WDFY3: variants seen among roughly 807,000 people sequenced by gnomAD.
WDFY3 encodes WD repeat and FYVE domain containing 3, also known as WD repeat and FYVE domain-containing protein 3.
WDFY3 carries 66 observed loss-of-function variants against 409.6 expected under a neutral mutation model. The observed-to-expected ratio is 0.16, with a 90% confidence interval of 0.13 to 0.20. The LOEUF is 0.20. Among genes scored for constraint, WDFY3 ranks in the 10% least tolerant of loss-of-function variants. The pLI is 1.00. For missense variants in WDFY3, 3,031 were observed against 4,298.1 expected (o/e 0.71, Z 8.24); for synonymous variants, 1,521 against 1,537.1 (o/e 0.99, Z 0.25).
chr4:84,713,936 G>C (rs1350426527), intron 50 of WDFY3, among the ~76,000 whole-genome samples: 1 of 152,042 alleles, frequency 6.6e-6, no homozygotes, highest in African/African-American at 2.4e-5. Flanking sequence ...GGCCAACATG[G>C]TGAAACTCCA....
chr4:84,780,700 G>T (rs1205478336), intron 25 of WDFY3, among the ~76,000 whole-genome samples: 2 of 152,078 alleles, frequency 1.3e-5, no homozygotes, highest in Non-Finnish European at 2.9e-5. Context: ...GGAGTTGGAG[G>T]TTGCAGTGAG....
rs190085124 is a variant in WDFY3 at position 84,904,722 on chromosome 4, A to G, written c.-131-7712T>C. On this transcript the variant is annotated intron_variant, in intron 2 of 67. Transcript: ENST00000295888. ...AGTTTCTAGGGCTGTTCTCTCCCTA[A>G]AAAAGCTCTTATTCACTCTACAACT... 8.7e-4 allele frequency among the ~76,000 whole-genome samples: 133 copies of G among 152,262 alleles called. 2 individuals carry two copies. The highest frequency in any genetic ancestry group is 3.0e-3 in the African/African-American group (124 of 41,540).
intron 8 of WDFY3, 140 bp downstream of exon 8, chr4:84,831,273 T>A (rs1346794184): frequency 6.3e-6 from 4 of 635,910 alleles, no homozygotes; most frequent in Middle Eastern, 5.0e-4. Context: ...TGAAAAAAAA[T>A]ATTTTCTTTT....
In WDFY3 at chr4:84,671,806, T is replaced by C. The variant is rs1725475425; in HGVS notation, c.*1062A>G. The C allele has an allele frequency of 6.6e-6, 1 of 152,628 alleles. No individual in the cohort carries two copies. The highest frequency in any genetic ancestry group is 6.5e-5 in the Admixed American group (1 of 15,286). The allele number at this position is 152,628 out of a possible 1,614,324, so 9.5% of individuals were successfully genotyped here. ...TACAACAAAGTTTATATGTTAATTCTGTACACTTCTTTCTTTCCTTTTTTT... is the reference window on the plus strand; with the variant it reads ...TACAACAAAGTTTATATGTTAATTCCGTACACTTCTTTCTTTCCTTTTTTT... On this transcript the variant is annotated 3_prime_UTR_variant, in exon 68 of 68. Transcript: ENST00000295888.
chr4:84,951,107 A>T (rs1332897505), intron 1 of WDFY3, among the ~76,000 whole-genome samples: 1 of 152,140 alleles, frequency 6.6e-6, no homozygotes, highest in Non-Finnish European at 1.5e-5. Context: ...CCTCTATTCT[A>T]ATTTTATATT....
At chr4:84,769,539 C>T (rs1287185222) in intron 30 of WDFY3, among the ~76,000 whole-genome samples, 4 of 151,842 alleles carry the variant, frequency 2.6e-5, no homozygotes, top group South Asian at 2.1e-4. Context: ...CTCAGCCTCC[C>T]GAGTAGCTGG....
In WDFY3 at chr4:84,685,291, G is replaced by C. The variant is rs548710956; in HGVS notation, c.9544-1166C>G. Among the ~76,000 whole-genome samples, 3 of 152,268 alleles carry C rather than the reference G, an allele frequency of 2.0e-5. No homozygotes were observed. The South Asian group carries it at 6.2e-4, about 32-fold the overall frequency. ...GGAGGCTGGGGTAGGGTGAGGAGGA[G>C]GACTGGGCCTGTTCCATCCACAGTC... On this transcript the variant is annotated intron_variant, in intron 62 of 67. Coordinates refer to ENST00000295888, the MANE Select transcript of WDFY3 (RefSeq NM_014991.6).
Position 84,845,525 on chromosome 4 carries a change from C to G in WDFY3, c.305-4262G>C, listed in dbSNP as rs191329236. ...TGTACAGCATGGTATGTATAGTTAA[C>G]AGTCTGTACTGCACACTTAAAAATT... On this transcript the variant is annotated intron_variant, in intron 5 of 67. Coordinates refer to ENST00000295888, the MANE Select transcript of WDFY3 (RefSeq NM_014991.6). 1.2e-3 allele frequency among the ~76,000 whole-genome samples: 187 copies of G among 152,166 alleles called. 2 individuals carry two copies. The highest frequency in any genetic ancestry group is 7.1e-3 in the Admixed American group (108 of 15,274).
At chr4:84,791,311 T>C (rs1260802280) in intron 21 of WDFY3, among the ~76,000 whole-genome samples, 1 of 152,164 alleles carries the variant, frequency 6.6e-6, no homozygotes, top group Non-Finnish European at 1.5e-5. Context: ...GAAAGACATA[T>C]ACTGCGTGAC....
At chr4:84,894,160 A>G (rs1223201354) in intron 3 of WDFY3, among the ~76,000 whole-genome samples, 1 of 152,236 alleles carries the variant, frequency 6.6e-6, no homozygotes, top group Non-Finnish European at 1.5e-5. Context: ...TCAAACGGAT[A>G]TGCAATGAAG....
chr4:84,795,440 A>G (rs1289605936), intron 19 of WDFY3, among the ~76,000 whole-genome samples: 3 of 152,174 alleles, frequency 2.0e-5, no homozygotes, highest in Admixed American at 2.0e-4. Context: ...GAATCCCACA[A>G]ACAACTAGTA....
intron 16 of WDFY3, 60 bp downstream of exon 16, chr4:84,803,230 A>G (rs943795358): frequency 1.7e-5 from 25 of 1,505,840 alleles, no homozygotes; most frequent in Non-Finnish European, 2.0e-5. Flanking sequence ...ATATAATCAT[A>G]CTCACATCCT....
In WDFY3 at chr4:84,860,482, T is replaced by C. The variant is rs1311746113; in HGVS notation, c.110A>G (p.His37Arg). The C allele has an allele frequency of 3.7e-6, 6 of 1,614,126 alleles. No homozygotes were observed. The highest frequency in any genetic ancestry group is 5.1e-6 in the Non-Finnish European group (6 of 1,180,004). ...HLRRLFTELC[H>R]PPRHMTQKEQ... Reference sequence around the variant, plus strand: ...CTTCTGAGTCATGTGCCGGGGAGGATGGCACAACTCCGTGAAGAGCCGGCG... The same window carrying C: ...CTTCTGAGTCATGTGCCGGGGAGGACGGCACAACTCCGTGAAGAGCCGGCG... The change falls in exon 4 of 68, where the codon CAT becomes CGT. Residue 37 changes from histidine (H) to arginine (R), a missense_variant. This residue lies in a region of WDFY3 where 1,322 missense variants were observed against 1,697.9 expected (regional missense o/e 0.78). Transcript: ENST00000295888.
chr4:84,724,317 TATTTTTAA>T, intron 46 of WDFY3, 101 bp downstream of exon 46: 2 of 1,262,220 alleles, frequency 1.6e-6, no homozygotes, highest in Non-Finnish European at 2.2e-6. Context: ...TGTGTATGGA[TATTTTTAA>T]AGTTGGCCCT....
intron 3 of WDFY3, among the ~76,000 whole-genome samples, chr4:84,895,630 G>A (rs1765528271): frequency 6.6e-6 from 1 of 152,182 alleles, no homozygotes; most frequent in African/African-American, 2.4e-5. Flanking sequence ...TTAAGTAGGA[G>A]GGTTATATAT....
intron 12 of WDFY3, among the ~76,000 whole-genome samples, chr4:84,819,146 T>C (rs1753721409): frequency 6.6e-6 from 1 of 152,112 alleles, no homozygotes; most frequent in Non-Finnish European, 1.5e-5. Context: ...ATCAGACTAA[T>C]TACTTCTATA....
intron 1 of WDFY3, among the ~76,000 whole-genome samples, chr4:84,963,165 T>C (rs1253916398): frequency 1.3e-5 from 2 of 149,692 alleles, no homozygotes; most frequent in Non-Finnish European, 3.0e-5. Context: ...GGCTCACGCC[T>C]GTAATACCAG....
intron 60 of WDFY3, 118 bp from the exon 61 acceptor site, chr4:84,690,782 G>T: frequency 8.0e-7 from 1 of 1,249,320 alleles, no homozygotes; most frequent in Non-Finnish European, 1.1e-6. Flanking sequence ...AGCGGCTCAT[G>T]TTCTGAGCTA....
Position 84,753,028 on chromosome 4 carries a change from A to T in WDFY3, c.5739+669T>A, listed in dbSNP as rs537510442. 1.1e-4 allele frequency among the ~76,000 whole-genome samples: 17 copies of T among 152,344 alleles called. No homozygotes were observed. In the South Asian group the frequency reaches 3.3e-3, roughly 30 times the overall value. On this transcript the variant is annotated intron_variant, in intron 35 of 67. Coordinates refer to ENST00000295888, the MANE Select transcript of WDFY3 (RefSeq NM_014991.6). ...CTGTAATGAATAGTATTTAGACTCTAAAGTTATGAAACTATCCTGCAAGCC... is the reference window on the plus strand; with the variant it reads ...CTGTAATGAATAGTATTTAGACTCTTAAGTTATGAAACTATCCTGCAAGCC...
Sources: gnomAD v4.1 joint callset for allele counts (sites outside exome capture counted in the v4.1 genomes callset) on GRCh38, gnomAD v4.1.1 for gene constraint, gnomAD v4.1.1 regional missense constraint, MANE v1.5 for transcripts, NCBI Gene and HGNC (gene_info 2026-07-23, HGNC 2026-07-21) for gene names.